RAB27B: variants seen among roughly 807,000 people sequenced by gnomAD.
RAB27B encodes RAB27B, member RAS oncogene family, also known as ras-related protein Rab-27B.
RAB27B carries 15 observed loss-of-function variants against 24.6 expected under a neutral mutation model. That is an observed-to-expected ratio of 0.61 (90% CI 0.41 to 0.94). The LOEUF is 0.94. RAB27B is among the 40% of genes least tolerant of loss of function. RAB27B has a pLI of 0.00. For missense variants in RAB27B, 261 were observed against 266.8 expected (o/e 0.98, Z 0.15); for synonymous variants, 105 against 92.5 (o/e 1.14, Z -0.78).
chr18:54,871,211 C>A (rs1180158887), intron 1 of RAB27B, among the ~76,000 whole-genome samples: 1 of 152,144 alleles, frequency 6.6e-6, no homozygotes, highest in Non-Finnish European at 1.5e-5. Context: ...AAAAAATACA[C>A]TAAAGAAGCT....
chr18:54,768,493 T>C (rs1349073716), intron 2 of RAB27B, among the ~76,000 whole-genome samples: 1 of 152,186 alleles, frequency 6.6e-6, no homozygotes, highest in Non-Finnish European at 1.5e-5. Context: ...ATATGCAGGC[T>C]TTCCTTATTT....
At chr18:54,874,447 C>T (rs1285853600) in intron 1 of RAB27B, among the ~76,000 whole-genome samples, 2 of 151,880 alleles carry the variant, frequency 1.3e-5, no homozygotes, top group African/African-American at 4.8e-5. Flanking sequence ...CTAGAACTTC[C>T]ATTTTTAAAA....
chr18:54,803,322 T>C (rs958998952), intron 2 of RAB27B, among the ~76,000 whole-genome samples: 5 of 152,082 alleles, frequency 3.3e-5, no homozygotes, highest in Admixed American at 3.3e-4. Context: ...ATGAAGTGTA[T>C]GCCAGGCAGA....
intron 1 of RAB27B, among the ~76,000 whole-genome samples, chr18:54,856,269 G>A (rs1490891808): frequency 1.3e-5 from 2 of 152,174 alleles, no homozygotes; most frequent in East Asian, 3.9e-4. Context: ...AATTCAGGTA[G>A]AGAGAACTGC....
chr18:54,778,844 C>T (rs911878208), intron 2 of RAB27B, among the ~76,000 whole-genome samples: 2 of 143,314 alleles, frequency 1.4e-5, no homozygotes, highest in African/African-American at 2.5e-5. Flanking sequence ...CAGTTAAGTC[C>T]TTTTTTTTTT....
intron 2 of RAB27B, among the ~76,000 whole-genome samples, chr18:54,739,091 G>A (rs957552094): frequency 1.3e-5 from 2 of 152,126 alleles, no homozygotes; most frequent in African/African-American, 4.8e-5. Flanking sequence ...TCCATGTCAT[G>A]TTTTTGAGTT....
chr18:54,875,421 A>G (rs772561113), intron 1 of RAB27B, among the ~76,000 whole-genome samples: 23 of 152,172 alleles, frequency 1.5e-4, no homozygotes, highest in Non-Finnish European at 2.6e-4. Context: ...GTATTGGAAT[A>G]ATTGAGACAT....
At chr18:54,813,402 C>T (rs994487942) in intron 2 of RAB27B, among the ~76,000 whole-genome samples, 3 of 152,190 alleles carry the variant, frequency 2.0e-5, no homozygotes, top group Non-Finnish European at 4.4e-5. Flanking sequence ...CCCAGGTTGA[C>T]AGTGGGATGT....
At chr18:54,813,766 C>T (rs1910038683) in intron 2 of RAB27B, among the ~76,000 whole-genome samples, 3 of 152,080 alleles carry the variant, frequency 2.0e-5, no homozygotes, top group Non-Finnish European at 2.9e-5. Flanking sequence ...ATAAATATGT[C>T]AATTCACCTC....
chr18:54,873,767 AGAGAG>A (rs1339018922), intron 1 of RAB27B, among the ~76,000 whole-genome samples: 3 of 151,792 alleles, frequency 2.0e-5, no homozygotes, highest in African/African-American at 7.3e-5. Flanking sequence ...AGAGTGAGAG[AGAGAG>A]GAGAGTAGTG....
intron 2 of RAB27B, among the ~76,000 whole-genome samples, chr18:54,741,337 T>A (rs973045119): frequency 2.1e-4 from 32 of 152,296 alleles, no homozygotes; most frequent in African/African-American, 7.5e-4. Flanking sequence ...CAGTCAAAGA[T>A]GAATGTATAT....
At chr18:54,758,428 T>G (rs1018019153) in intron 2 of RAB27B, among the ~76,000 whole-genome samples, 1 of 152,248 alleles carries the variant, frequency 6.6e-6, no homozygotes, top group East Asian at 1.9e-4. Flanking sequence ...TCCAAATAAA[T>G]GCAGTACAAA....
At chr18:54,889,146 T>C (rs1391298162) in intron 5 of RAB27B, 78 bp from the exon 6 acceptor site, 5 of 1,338,666 alleles carry the variant, frequency 3.7e-6, no homozygotes, top group Non-Finnish European at 5.0e-6. Flanking sequence ...TTTTTGCATG[T>C]GTGATTCACT....
chr18:54,886,073 A>T (rs1913124587), intron 4 of RAB27B, among the ~76,000 whole-genome samples: 2 of 152,034 alleles, frequency 1.3e-5, no homozygotes, highest in Non-Finnish European at 1.5e-5. Flanking sequence ...CACATTGGGG[A>T]TTACATTTCA....
intron 4 of RAB27B, among the ~76,000 whole-genome samples, chr18:54,887,045 T>TC (rs1913171794): frequency 2.0e-5 from 1 of 50,446 alleles, no homozygotes; most frequent in East Asian, 6.1e-4. Flanking sequence ...CTCCCTCCCT[T>TC]CCTTACTTCC....
intron 1 of RAB27B, among the ~76,000 whole-genome samples, chr18:54,839,420 A>C (rs1262735943): frequency 6.6e-6 from 1 of 152,064 alleles, no homozygotes; most frequent in African/African-American, 2.4e-5. Context: ...AAAAGATGAA[A>C]GAGAGTTAAA....
At chr18:54,878,581 A>G (rs1279164261) in intron 2 of RAB27B, among the ~76,000 whole-genome samples, 2 of 152,152 alleles carry the variant, frequency 1.3e-5, no homozygotes, top group Non-Finnish European at 2.9e-5. Flanking sequence ...GTGTAGGCTT[A>G]GCAAACTCCC....
chr18:54,821,528 A>G (rs1910310254), intron 2 of RAB27B, among the ~76,000 whole-genome samples: 1 of 152,148 alleles, frequency 6.6e-6, no homozygotes. Flanking sequence ...GCTACCAATG[A>G]CTTTCTTCAC....
At chr18:54,723,092 C>G (rs1197769578) in intron 2 of RAB27B, among the ~76,000 whole-genome samples, 1 of 152,152 alleles carries the variant, frequency 6.6e-6, no homozygotes, top group African/African-American at 2.4e-5. Context: ...TGGAATTCCC[C>G]TGAGTGGCAG....
Sources: gnomAD v4.1 joint callset for allele counts (sites outside exome capture counted in the v4.1 genomes callset) on GRCh38, gnomAD v4.1.1 for gene constraint, MANE v1.5 for transcripts, NCBI Gene and HGNC (gene_info 2026-07-23, HGNC 2026-07-21) for gene names.